The following DCBLD1 variants were observed in gnomAD, a reference collection of about 807,000 sequenced individuals.
DCBLD1 encodes the protein discoidin, CUB and LCCL domain containing 1.
DCBLD1 carries 57 observed loss-of-function variants against 71.5 expected under a neutral mutation model. The observed-to-expected ratio is 0.80, with a 90% CI of 0.64 to 0.99. The LOEUF (loss-of-function observed/expected upper bound fraction) is 0.99. Among genes scored for constraint, DCBLD1 ranks in the 50% least tolerant of loss-of-function variants. The pLI is 0.00. For synonymous variants in DCBLD1, 380 were observed against 363.8 expected (o/e 1.04, Z -0.51); for missense variants, 891 against 923.5 (o/e 0.96, Z 0.46).
intron 4 of DCBLD1, among the ~76,000 whole-genome samples, chr6:117,525,047 T>A (rs999610426): frequency 1.3e-5 from 2 of 152,124 alleles, no homozygotes; most frequent in Non-Finnish European, 2.9e-5. Context: ...ATACTATATA[T>A]AATGTTTAGA....
chr6:117,491,160 C>T (rs545679117), intron 1 of DCBLD1, among the ~76,000 whole-genome samples: 3 of 152,232 alleles, frequency 2.0e-5, no homozygotes, highest in South Asian at 4.1e-4. Context: ...AAGTTTACCT[C>T]ATATTAAAAT....
chr6:117,487,958 TAAAGC>T (rs1417416016), intron 1 of DCBLD1, among the ~76,000 whole-genome samples: 1 of 152,122 alleles, frequency 6.6e-6, no homozygotes, highest in Non-Finnish European at 1.5e-5. Context: ...ATGGGAAAAA[TAAAGC>T]AAACGCATGT....
At chr6:117,522,441 T>TC (rs1162299380) in intron 4 of DCBLD1, among the ~76,000 whole-genome samples, 1 of 152,008 alleles carries the variant, frequency 6.6e-6, no homozygotes, top group African/African-American at 2.4e-5. Flanking sequence ...TATGACTGTT[T>TC]TTTTTTTTCT....
chr6:117,501,091 G>T (rs1333941532), intron 1 of DCBLD1, among the ~76,000 whole-genome samples: 1 of 151,916 alleles, frequency 6.6e-6, no homozygotes, highest in African/African-American at 2.4e-5. Flanking sequence ...GAGATTTTTT[G>T]GTGGCTTGGA....
chr6:117,485,174 AT>A, intron 1 of DCBLD1: 2 of 152,346 alleles, frequency 1.3e-5, no homozygotes, highest in South Asian at 2.1e-4. Context: ...CTTGATATAC[AT>A]TTTTGTAGAA....
chr6:117,512,781 T>C (rs1397004080), intron 2 of DCBLD1, among the ~76,000 whole-genome samples: 1 of 151,886 alleles, frequency 6.6e-6, no homozygotes, highest in Non-Finnish European at 1.5e-5. Context: ...TTTTTGGAGG[T>C]TTTATGTTGT....
chr6:117,569,443 A>T, intron 14 of DCBLD1: 1 of 1,247,290 alleles, frequency 8.0e-7, no homozygotes, highest in Non-Finnish European at 1.1e-6. Context: ...TAAAAGCATT[A>T]AATCAAAGGA....
At chr6:117,523,522 C>A (rs1778450693) in intron 4 of DCBLD1, among the ~76,000 whole-genome samples, 1 of 152,146 alleles carries the variant, frequency 6.6e-6, no homozygotes, top group African/African-American at 2.4e-5. Context: ...ACATCATATA[C>A]ATCATTAGAA....
rs1779362593 is a variant in DCBLD1 at position 117,548,696 on chromosome 6, T to C, written c.*257T>C. ...GAAAAATGAAAATTTTCAGATGGCG[T>C]TTTCATTCCTCTGACTGATATTGAG... On this transcript the variant is annotated 3_prime_UTR_variant, in exon 15 of 15. Transcript: ENST00000338728. The C allele has an allele frequency of 5.7e-6, 8 of 1,392,552 alleles. No homozygotes were observed. Among genetic ancestry groups the C allele is most frequent in the Non-Finnish European group, 7.4e-6 (8 of 1,076,902 alleles). The allele number at this position is 1,392,552 out of a possible 1,614,324, so 86.3% of individuals were successfully genotyped here.
chr6:117,543,598 T>C (rs1020379130), intron 12 of DCBLD1, among the ~76,000 whole-genome samples: 11 of 152,182 alleles, frequency 7.2e-5, no homozygotes, highest in South Asian at 2.1e-4. Context: ...GTCTCAAACT[T>C]CTGGTCTCAT....
At chr6:117,499,817 G>C (rs1266372936) in intron 1 of DCBLD1, among the ~76,000 whole-genome samples, 1 of 152,182 alleles carries the variant, frequency 6.6e-6, no homozygotes, top group Non-Finnish European at 1.5e-5. Context: ...CTGAGTGTCA[G>C]AATGAGGTAA....
Position 117,538,750 on chromosome 6 carries a change from A to T in DCBLD1, c.891A>T (p.Pro297=). The T allele has an allele frequency of 1.2e-6, 2 of 1,614,208 alleles. No individual in the cohort carries two copies. Among genetic ancestry groups the T allele is most frequent in the South Asian group, 1.1e-5 (1 of 91,084 alleles). Residue 297 remains proline (P), a synonymous_variant, in exon 8 of 15, where the codon CCA becomes CCT. Coordinates refer to ENST00000338728, the MANE Select transcript of DCBLD1 (RefSeq NM_001366458.2). ...AAGCCCGACTTCAGGACCAAGGCCC[A>T]TCATGGGCTTCGGGCGACAGTAGCA... is the stretch of plus-strand genomic sequence containing the variant. The part of the protein sequence containing the change: ...PGQARLQDQG[P]SWASGDSSNN...
At chr6:117,497,335 A>G (rs1471888291) in intron 1 of DCBLD1, among the ~76,000 whole-genome samples, 1 of 152,246 alleles carries the variant, frequency 6.6e-6, no homozygotes, top group Non-Finnish European at 1.5e-5. Flanking sequence ...CATACCAGGT[A>G]TATCTTATTT....
At chr6:117,531,990 T>G (rs1778737145) in intron 5 of DCBLD1, among the ~76,000 whole-genome samples, 1 of 152,148 alleles carries the variant, frequency 6.6e-6, no homozygotes, top group Admixed American at 6.5e-5. Flanking sequence ...GTGGCTGCCA[T>G]CATATGGCAG....
chr6:117,499,310 C>G (rs770393730), intron 1 of DCBLD1, among the ~76,000 whole-genome samples: 2 of 145,968 alleles, frequency 1.4e-5, no homozygotes, highest in African/African-American at 5.1e-5. Flanking sequence ...GGGAGGCTGA[C>G]GTGGGAAGAT....
In DCBLD1 at chr6:117,518,717, C is replaced by G. The variant is rs562986354; in HGVS notation, c.326-1099C>G. 3.9e-5 allele frequency among the ~76,000 whole-genome samples: 6 copies of G among 152,242 alleles called. No homozygotes were observed. The South Asian group carries it at 1.2e-3, about 32-fold the overall frequency. On this transcript the variant is annotated intron_variant, in intron 2 of 14. Transcript: ENST00000338728. The stretch of plus-strand genomic sequence containing the variant: ...CTCCTTTTTTAAAAAACCATCAGAT[C>G]TCATGAGACTTATTCACTGTCATGA...
chr6:117,542,262 A>G (rs112521842), intron 11 of DCBLD1, among the ~76,000 whole-genome samples: 298 of 151,784 alleles, frequency 2.0e-3, no homozygotes, highest in African/African-American at 6.9e-3. Context: ...ACTGCACTCC[A>G]GCCTGGGTGA....
chr6:117,492,593 GAA>G (rs1373892672), intron 1 of DCBLD1, among the ~76,000 whole-genome samples: 4 of 152,184 alleles, frequency 2.6e-5, no homozygotes, highest in Admixed American at 2.0e-4. Context: ...ATTTGCCATA[GAA>G]ATATTAAGAT....
At chr6:117,536,184 C>T (rs904372426) in intron 6 of DCBLD1, among the ~76,000 whole-genome samples, 2 of 152,138 alleles carry the variant, frequency 1.3e-5, no homozygotes, top group East Asian at 1.9e-4. Flanking sequence ...CCATTATTCC[C>T]ATCTATAATT....
Sources: allele counts gnomAD v4.1 joint callset (sites outside exome capture counted in the v4.1 genomes callset), GRCh38; gene constraint gnomAD v4.1.1; transcripts MANE v1.5; gene names NCBI Gene and HGNC (gene_info 2026-07-23, HGNC 2026-07-21).